HPS3: variants seen among roughly 807,000 people sequenced by gnomAD.
HPS3 encodes BLOC-2 complex member HPS3.
HPS3 carries 79 observed loss-of-function variants against 110.9 expected under a neutral mutation model. That is an observed-to-expected ratio of 0.71 (90% CI 0.59 to 0.86). The LOEUF (loss-of-function observed/expected upper bound fraction) is 0.86, where lower values mean the gene tolerates loss of function less well. Ranked by LOEUF, HPS3 falls within the 40% of genes least tolerant of loss-of-function variation. The pLI, the probability that HPS3 is intolerant of heterozygous loss-of-function variation, is 0.00. For synonymous variants in HPS3, 428 were observed against 451.0 expected (o/e 0.95, Z 0.65); for missense variants, 1,197 against 1,206.2 (o/e 0.99, Z 0.11).
At chr3:149,161,177 T>C (rs1723783659) in intron 11 of HPS3, among the ~76,000 whole-genome samples, 1 of 152,224 alleles carries the variant, frequency 6.6e-6, no homozygotes. Context: ...TCTTCTGTTT[T>C]GAAGAGTAGA....
At chr3:149,166,791 A>G (rs934176133) in intron 14 of HPS3, among the ~76,000 whole-genome samples, 1 of 152,218 alleles carries the variant, frequency 6.6e-6, no homozygotes, top group Non-Finnish European at 1.5e-5. Context: ...CACAAAGCAA[A>G]TAAAATCATG....
chr3:149,130,440 AT>A (rs766044751), intron 1 of HPS3: 18 of 161,798 alleles, frequency 1.1e-4, no homozygotes, highest in Non-Finnish European at 1.6e-4. Flanking sequence ...TTATGTGTTG[AT>A]TTTTAAATGT....
intron 1 of HPS3, among the ~76,000 whole-genome samples, chr3:149,136,781 A>G (rs1034975696): frequency 6.6e-6 from 1 of 152,244 alleles, no homozygotes; most frequent in Non-Finnish European, 1.5e-5. Flanking sequence ...CACACAATAC[A>G]ACATGGACAC....
At chr3:149,165,239 A>G (rs971464848) in intron 14 of HPS3, among the ~76,000 whole-genome samples, 7 of 152,198 alleles carry the variant, frequency 4.6e-5, no homozygotes, top group African/African-American at 1.2e-4. Flanking sequence ...GCCTTCCTAG[A>G]TCATACACAC....
rs536794577 is a variant in HPS3, at chr3:149,141,353, C to G, written c.943C>G (p.Leu315Val). 2 of 1,613,872 alleles carry G rather than the reference C, an allele frequency of 1.2e-6. No individual in the cohort carries two copies. Among genetic ancestry groups the G allele is most frequent in the Admixed American group, 3.3e-5 (2 of 60,022 alleles). The change falls in exon 4 of 17, where the codon CTC (leucine) becomes GTC (valine). Residue 315 changes from leucine to valine, a missense_variant. Leu to Val is a conservative substitution (Grantham distance 32). Transcript: ENST00000296051. The part of the protein sequence containing the change: ...VLSDDIKLHS[L>V]QLLPIYQTGS... The stretch of plus-strand genomic sequence containing the variant: ...GTCTGATGACATCAAGCTACATTCC[C>G]TCCAGCTGCTACCCATTTACCAGAC...
rs571072095 is a variant in HPS3, at chr3:149,135,368, C to T, written c.218-4636C>T. 5.9e-5 allele frequency among the ~76,000 whole-genome samples: 9 copies of T among 152,144 alleles called. No homozygotes were observed. The South Asian group carries it at 8.3e-4, about 14-fold the overall frequency. ...CCCCATAACCCCCACGTGTCAAGGG[C>T]GGGACCAGGTGGAGGTAATTGGATC... On this transcript the variant is annotated intron_variant, in intron 1 of 16. Transcript: ENST00000296051.
At position 149,160,254 on chromosome 3, in the gene HPS3, G is replaced by T. The variant is rs1260037693; in HGVS notation, c.2081G>T (p.Arg694Ile). ...AAAATGGGAGATCTTGACATGCACA[G>T]AAATGAAATGAAAAGCCATTCAGAG... ...ALKMGDLDMH[R>I]NEMKSHSEMK... is the part of the protein sequence containing the mutation. Residue 694 changes from arginine (R) to isoleucine (I), a missense_variant, in exon 11 of 17, where the codon AGA becomes ATA. Arg to Ile is a moderately conservative substitution (Grantham distance 97, BLOSUM62 -3). Transcript: ENST00000296051. 6.8e-6 allele frequency: 11 copies of T among 1,613,098 alleles called. 1 individual carries two copies. In the South Asian group the frequency reaches 1.1e-4, roughly 16 times the overall value.
intron 5 of HPS3, among the ~76,000 whole-genome samples, chr3:149,146,868 TTAAAC>T (rs1458366539): frequency 3.3e-5 from 5 of 152,128 alleles, no homozygotes; most frequent in Non-Finnish European, 5.9e-5. Context: ...GATTTGAAAA[TTAAAC>T]TAAGGACTTT....
intron 10 of HPS3, 129 bp downstream of exon 10, chr3:149,158,975 T>C (rs1723626253): frequency 4.5e-6 from 3 of 660,708 alleles, no homozygotes; most frequent in Non-Finnish European, 7.8e-6. Flanking sequence ...TCTAAAAAAG[T>C]AATGTGACCT....
At position 149,172,104 on chromosome 3, in the gene HPS3, C is replaced by T. The variant is rs1355708969; in HGVS notation, c.2897C>T (p.Ser966Leu). 2 of 1,612,516 alleles carry T rather than the reference C, an allele frequency of 1.2e-6. No individual in the cohort carries two copies. The highest frequency in any genetic ancestry group is 1.7e-6 in the Non-Finnish European group (2 of 1,178,706). Residue 966 changes from serine (S) to leucine (L), a missense_variant, in exon 17 of 17, where the codon TCA becomes TTA. Coordinates refer to ENST00000296051, the MANE Select transcript of HPS3 (RefSeq NM_032383.5). ...ATTCTTTTCTACACAGAAACATTGT[C>T]AATTGTTGCTGTGGAACTAGAACTG... ...LYLSSLKETL[S>L]IVAVELELKD...
At position 149,155,110 on chromosome 3, in the gene HPS3, G is replaced by T. The variant is rs374361104; in HGVS notation, c.1404G>T (p.Ser468=). 1 of 1,575,532 alleles carries T rather than the reference G, an allele frequency of 6.3e-7. No homozygotes were observed. Among genetic ancestry groups the T allele is most frequent in the Non-Finnish European group, 8.7e-7 (1 of 1,145,216 alleles). ...TTGTCCTTTGTTTTGCTTTTAGTTCGAGAAAAGATACCAGTGTTAAAATCA... is the reference window on the plus strand; with the variant it reads ...TTGTCCTTTGTTTTGCTTTTAGTTCTAGAAAAGATACCAGTGTTAAAATCA... The part of the protein sequence containing the change: ...ERRQSPKRLL[S]RKDTSVKIKI... The change falls in exon 8 of 17, where the codon TCG becomes TCT. Residue 468 remains serine, a synonymous_variant. Transcript: ENST00000296051.
In HPS3 at chr3:149,129,802, G is replaced by T; in HGVS notation, c.79G>T (p.Gly27Cys). The T allele has an allele frequency of 3.1e-6, 5 of 1,607,136 alleles. No homozygotes were observed. Among genetic ancestry groups the T allele is most frequent in the Non-Finnish European group, 4.2e-6 (5 of 1,178,928 alleles). Residue 27 changes from glycine (G) to cysteine (C), a missense_variant, in exon 1 of 17, where the codon GGC becomes TGC. Physicochemically the swap from Gly to Cys is radical, Grantham distance 159. Transcript: ENST00000296051. ...PCKLEPDRFCGGGRDALFVAA... is the reference protein window; with the variant it reads ...PCKLEPDRFCCGGRDALFVAA... ...CAAGCTGGAGCCGGACCGGTTCTGT[G>T]GCGGGGGGCGTGACGCGCTTTTCGT...
Position 149,172,318 on chromosome 3 carries a change from T to TATCACA in HPS3, c.*96_*97insATCACA, listed in dbSNP as rs374839757. On this transcript the variant is annotated 3_prime_UTR_variant, in exon 17 of 17. Transcript: ENST00000296051. ...GTAGAGGAGTTTTTTATTTTATATATCACACACACACACACACACACACAC... is the reference window on the plus strand; with the variant it reads ...GTAGAGGAGTTTTTTATTTTATATATATCACACACACACACACACACACACACACAC... 3.5e-6 allele frequency: 2 copies of TATCACA among 570,776 alleles called. No homozygotes were observed. Among genetic ancestry groups the TATCACA allele is most frequent in the South Asian group, 3.4e-5 (2 of 58,172 alleles). 35.4% of individuals were successfully genotyped at this position (570,776 alleles called of 1,614,324 possible).
At position 149,141,043 on chromosome 3, in the gene HPS3, G is replaced by C. The variant is rs1722410089; in HGVS notation, c.739G>C (p.Glu247Gln). 6.2e-7 allele frequency: 1 copy of C among 1,613,686 alleles called. No individual in the cohort carries two copies. Residue 247 changes from glutamate (E) to glutamine (Q), a missense_variant, in exon 3 of 17, where the codon GAG (glutamate) becomes CAG (glutamine). Physicochemically the swap from Glu to Gln is conservative, Grantham distance 29 (BLOSUM62 2). Coordinates refer to ENST00000296051, the MANE Select transcript of HPS3 (RefSeq NM_032383.5). ...EGISNEISQL[E>Q]SDDFVICQKP... is the part of the protein sequence containing the mutation. ...CATCAGTAATGAAATTTCACAGCTT[G>C]AGTCAGATGATTTTGTCATCTGCCA...
intron 1 of HPS3, among the ~76,000 whole-genome samples, chr3:149,138,027 G>A (rs1028781726): frequency 6.6e-6 from 1 of 152,150 alleles, no homozygotes; most frequent in African/African-American, 2.4e-5. Context: ...GGAATTTTAG[G>A]AAGATGGAGG....
intron 1 of HPS3, among the ~76,000 whole-genome samples, chr3:149,139,524 C>G (rs1722303941): frequency 6.6e-6 from 1 of 152,152 alleles, no homozygotes; most frequent in East Asian, 1.9e-4. Context: ...AGAAAATTAA[C>G]TTGGATCTGT....
At chr3:149,147,821 T>C (rs192808177) in intron 5 of HPS3, among the ~76,000 whole-genome samples, 2 of 152,186 alleles carry the variant, frequency 1.3e-5, no homozygotes, top group African/African-American at 4.8e-5. Context: ...CATTAGACAT[T>C]AGAATAGCAG....
At chr3:149,142,842 C>T (rs1196779728) in intron 4 of HPS3, among the ~76,000 whole-genome samples, 2 of 152,168 alleles carry the variant, frequency 1.3e-5, no homozygotes, top group South Asian at 2.1e-4. Context: ...TGGTAAACCT[C>T]CCTGTGACAG....
rs745557965 is a variant in HPS3, at chr3:149,129,754, G to A, written c.31G>A (p.Gly11Arg). The change falls in exon 1 of 17, where the codon GGG becomes AGG. Residue 11 changes from glycine to arginine, a missense_variant. Coordinates refer to ENST00000296051, the MANE Select transcript of HPS3 (RefSeq NM_032383.5). The stretch of plus-strand genomic sequence containing the variant: ...GCAGCTGTACAACCTGCACCCGTTC[G>A]GGTCGCAGCAGGTGGTGCCCTGCAA... MVQLYNLHPF[G>R]SQQVVPCKLE... 5 of 1,606,016 alleles carry A rather than the reference G, an allele frequency of 3.1e-6. No homozygotes were observed. In the African/African-American group the frequency reaches 6.7e-5, roughly 21 times the overall value.
Sources: allele counts gnomAD v4.1 joint callset (sites outside exome capture counted in the v4.1 genomes callset), GRCh38; gene constraint gnomAD v4.1.1; transcripts MANE v1.5; gene names NCBI Gene and HGNC (gene_info 2026-07-23, HGNC 2026-07-21).